The following RECK variants were observed in gnomAD, a reference collection of about 807,000 sequenced individuals.
The protein encoded by RECK is reversion inducing cysteine rich protein with kazal motifs.
Under a neutral mutation model 115.1 loss-of-function variants are expected in RECK, and 69 were observed. The observed-to-expected ratio is 0.60, with a 90% CI of 0.49 to 0.73. RECK has a LOEUF of 0.73. RECK is among the 30% of genes least tolerant of loss of function. The probability of loss-of-function intolerance (pLI) is 0.00; values close to 1 mark genes in which losing one functional copy is unlikely to be tolerated. For missense variants in RECK, 1,047 were observed against 1,203.7 expected, an observed-to-expected ratio of 0.87 and a Z score of 1.93; for synonymous variants, 414 against 419.7, an observed-to-expected ratio of 0.99 and a Z score of 0.17.
chr9:36,052,194 A>C (rs919352857), intron 1 of RECK, 71 bp from the exon 2 acceptor site: 6 of 896,026 alleles, frequency 6.7e-6, no homozygotes, highest in African/African-American at 4.9e-5. Context: ...TGGTTTGTGT[A>C]ACCATCTGAA....
At chr9:36,114,157 T>C (rs1337989806) in intron 16 of RECK, among the ~76,000 whole-genome samples, 1 of 152,218 alleles carries the variant, frequency 6.6e-6, no homozygotes, top group Non-Finnish European at 1.5e-5. Context: ...AAAAGTAACA[T>C]TCATCACTAC....
At chr9:36,059,328 C>T (rs560209334) in intron 3 of RECK, among the ~76,000 whole-genome samples, 12 of 151,972 alleles carry the variant, frequency 7.9e-5, no homozygotes, top group South Asian at 2.1e-4. Context: ...TGGTGGCACA[C>T]GCCTGTAGTC....
In RECK at chr9:36,109,996, C is replaced by A. The variant is rs749734137; in HGVS notation, c.1805C>A (p.Ser602Tyr). The part of the protein sequence containing the change: ...TSFSIDCNVC[S>Y]CFAGNLVCST... ...TTTAGTATTGACTGCAATGTCTGTT[C>A]TTGTTTTGCTGGCAATTTGGTGTGC... Residue 602 changes from serine to tyrosine, a missense_variant, in exon 15 of 21, where the codon TCT (serine) becomes TAT (tyrosine). Coordinates refer to ENST00000377966, the MANE Select transcript of RECK (RefSeq NM_021111.3). The A allele has an allele frequency of 6.2e-7, 1 of 1,613,732 alleles. No homozygotes were observed. Among genetic ancestry groups the A allele is most frequent in the Non-Finnish European group, 8.5e-7 (1 of 1,179,652 alleles).
intron 4 of RECK, 128 bp downstream of exon 4, chr9:36,060,283 C>T: frequency 1.1e-6 from 1 of 910,490 alleles, no homozygotes; most frequent in Non-Finnish European, 1.7e-6. Flanking sequence ...CCCTTCAACA[C>T]CTAAATTTTT....
chr9:36,083,601 G>C (rs1205599482), intron 8 of RECK, 39 bp downstream of exon 8: 2 of 1,580,892 alleles, frequency 1.3e-6, no homozygotes, highest in African/African-American at 2.7e-5. Flanking sequence ...TTCAATCTTT[G>C]GTAAAATCGT....
chr9:36,091,282 G>A lies in RECK; in HGVS notation c.1024G>A (p.Val342Ile). 6 of 1,608,372 alleles carry A rather than the reference G, an allele frequency of 3.7e-6. No individual in the cohort carries two copies. The highest frequency in any genetic ancestry group is 5.1e-6 in the Non-Finnish European group (6 of 1,178,074). The change falls in exon 10 of 21, where the codon GTC becomes ATC. Residue 342 changes from valine to isoleucine, a missense_variant. By Grantham distance (29) the Val-to-Ile change is conservative. Transcript: ENST00000377966. ...GTCCATGTTGACCTGTTTAGCGGATGTCCGGGAACCTTGCCAGTTGGGCTG... is the reference window on the plus strand; with the variant it reads ...GTCCATGTTGACCTGTTTAGCGGATATCCGGGAACCTTGCCAGTTGGGCTG... ...EVSMLTCLADVREPCQLGCRN... is the reference protein window; with the variant it reads ...EVSMLTCLADIREPCQLGCRN...
At chr9:36,037,641 G>C (rs1820719102) in intron 1 of RECK, among the ~76,000 whole-genome samples, 1 of 151,754 alleles carries the variant, frequency 6.6e-6, no homozygotes, top group African/African-American at 2.4e-5. Flanking sequence ...GCAGGCTTGA[G>C]GAGAGAAATT....
At chr9:36,093,922 A>G (rs929886296) in intron 10 of RECK, among the ~76,000 whole-genome samples, 1 of 152,178 alleles carries the variant, frequency 6.6e-6, no homozygotes, top group Non-Finnish European at 1.5e-5. Context: ...CCTTTCAGAA[A>G]CAATGGAGAA....
chr9:36,097,530 A>G (rs1219134127), intron 10 of RECK, among the ~76,000 whole-genome samples: 1 of 152,152 alleles, frequency 6.6e-6, no homozygotes. Flanking sequence ...GAAGATAACA[A>G]TTGTTAGCAA....
intron 12 of RECK, among the ~76,000 whole-genome samples, chr9:36,102,606 C>G (rs1823603365): frequency 6.6e-6 from 1 of 152,036 alleles, no homozygotes; most frequent in South Asian, 2.1e-4. Flanking sequence ...ATCAGAGTGT[C>G]AGTGGATGAG....
intron 6 of RECK, among the ~76,000 whole-genome samples, chr9:36,077,544 T>G (rs1173149218): frequency 6.6e-6 from 1 of 152,208 alleles, no homozygotes; most frequent in African/African-American, 2.4e-5. Flanking sequence ...TATACTGGAA[T>G]GAAGGAACAT....
At chr9:36,074,004 C>A (rs779755529) in intron 6 of RECK, among the ~76,000 whole-genome samples, 1 of 152,130 alleles carries the variant, frequency 6.6e-6, no homozygotes, top group Non-Finnish European at 1.5e-5. Context: ...TCAGCAAATA[C>A]TGCAAATCCA....
At chr9:36,069,165 C>T (rs983520662) in intron 6 of RECK, among the ~76,000 whole-genome samples, 2 of 151,902 alleles carry the variant, frequency 1.3e-5, no homozygotes, top group African/African-American at 4.8e-5. Flanking sequence ...TAGAATCAGA[C>T]CTAAAGATAC....
chr9:36,043,038 T>TTTTTTTTG (rs1351361271), intron 1 of RECK, among the ~76,000 whole-genome samples: 1 of 131,016 alleles, frequency 7.6e-6, no homozygotes, highest in African/African-American at 3.0e-5. Context: ...TTTTTTTTTT[T>TTTTTTTTG]TTGTTGAGAC....
chr9:36,081,273 A>G (rs1822678174), intron 7 of RECK, among the ~76,000 whole-genome samples: 1 of 152,204 alleles, frequency 6.6e-6, no homozygotes, highest in Admixed American at 6.5e-5. Context: ...GCAGGAAAGT[A>G]TATTGAAGGA....
chr9:36,106,921 G>A (rs528206200), intron 13 of RECK, among the ~76,000 whole-genome samples: 53 of 151,626 alleles, frequency 3.5e-4, no homozygotes, highest in African/African-American at 1.2e-3. Flanking sequence ...TGACTAACGC[G>A]GTGAAACTCC....
chr9:36,087,570 C>T, intron 8 of RECK, 124 bp from the exon 9 acceptor site: 2 of 938,420 alleles, frequency 2.1e-6, no homozygotes, highest in South Asian at 3.4e-5. Context: ...CAGCAAACCA[C>T]CATGGCATGT....
At chr9:36,062,050 T>C (rs980572146) in intron 4 of RECK, among the ~76,000 whole-genome samples, 1 of 152,196 alleles carries the variant, frequency 6.6e-6, no homozygotes, top group African/African-American at 2.4e-5. Context: ...CAAATTTATG[T>C]TTTACATAGA....
rs567428289 is a variant in RECK at position 36,062,352 on chromosome 9, G to A, written c.272-1443G>A. On this transcript the variant is annotated intron_variant, in intron 4 of 20. Transcript: ENST00000377966. ...AATTTTGTATTTTTAGTGGAGACGA[G>A]GTTTCACTATGTTGGTCAGCCTGAT... Among the ~76,000 whole-genome samples, 10 of 152,124 alleles carry A rather than the reference G, an allele frequency of 6.6e-5. No homozygotes were observed. In the South Asian group the frequency reaches 8.3e-4, roughly 13 times the overall value.
Sources: allele counts gnomAD v4.1 joint callset (sites outside exome capture counted in the v4.1 genomes callset), GRCh38; gene constraint gnomAD v4.1.1; transcripts MANE v1.5; gene names NCBI Gene and HGNC (gene_info 2026-07-23, HGNC 2026-07-21).